The following LMBR1 variants were observed in gnomAD, a reference collection of about 807,000 sequenced individuals.
The protein encoded by LMBR1 is limb region 1 protein homolog.
In LMBR1, 52 loss-of-function variants were observed where a neutral mutation model predicts 73.9. That is an observed-to-expected ratio of 0.70 (90% CI 0.56 to 0.89). The LOEUF is 0.89. LMBR1 is among the 40% of genes least tolerant of loss of function. LMBR1 has a pLI of 0.00. For synonymous variants in LMBR1, 215 were observed against 209.4 expected, an observed-to-expected ratio of 1.03 and a Z score of -0.23; for missense variants, 539 against 579.8, an observed-to-expected ratio of 0.93 and a Z score of 0.72.
intron 1 of LMBR1, 28 bp from the exon 2 acceptor site, chr7:156,836,913 T>C (rs1489043757): frequency 1.4e-6 from 2 of 1,431,226 alleles, no homozygotes; most frequent in South Asian, 1.3e-5. Flanking sequence ...TAACAGATCA[T>C]TTACTTTTTT....
At chr7:156,735,040 T>C (rs952257359) in intron 9 of LMBR1, among the ~76,000 whole-genome samples, 5 of 152,244 alleles carry the variant, frequency 3.3e-5, no homozygotes, top group African/African-American at 1.2e-4. Context: ...TTACACATAT[T>C]CAAGTTTTCA....
chr7:156,823,614 A>G (rs1452340475), intron 4 of LMBR1: 2 of 152,202 alleles, frequency 1.3e-5, no homozygotes, highest in Non-Finnish European at 2.9e-5. Context: ...AAGTCACTGG[A>G]GGGATAAATG....
chr7:156,853,343 T>C (rs1371353583), intron 1 of LMBR1, among the ~76,000 whole-genome samples: 1 of 151,678 alleles, frequency 6.6e-6, no homozygotes, highest in Admixed American at 6.6e-5. Context: ...TAAAAAAAAA[T>C]GGGTCACATA....
intron 1 of LMBR1, among the ~76,000 whole-genome samples, chr7:156,847,576 C>T (rs1795665264): frequency 6.6e-6 from 1 of 152,102 alleles, no homozygotes; most frequent in African/African-American, 2.4e-5. Flanking sequence ...ATATAAAGAG[C>T]TCTGAAAGTT....
At chr7:156,879,961 AAGT>A (rs1172977332) in intron 1 of LMBR1, among the ~76,000 whole-genome samples, 1 of 152,212 alleles carries the variant, frequency 6.6e-6, no homozygotes. Context: ...AAAGAACTAA[AAGT>A]AGAACTATCA....
chr7:156,691,376 C>CA (rs1322505357), intron 15 of LMBR1, among the ~76,000 whole-genome samples: 1 of 152,098 alleles, frequency 6.6e-6, no homozygotes, highest in African/African-American at 2.4e-5. Flanking sequence ...AACTAGAATT[C>CA]AACTGAAAAT....
At chr7:156,801,071 C>T (rs1020124825) in intron 4 of LMBR1, among the ~76,000 whole-genome samples, 1 of 152,170 alleles carries the variant, frequency 6.6e-6, no homozygotes, top group African/African-American at 2.4e-5. Context: ...ATATCATAAA[C>T]TTAGTTGATA....
At chr7:156,696,238 G>C (rs757117741) in intron 15 of LMBR1, among the ~76,000 whole-genome samples, 1 of 152,298 alleles carries the variant, frequency 6.6e-6, no homozygotes, top group South Asian at 2.1e-4. Context: ...AAGGATGTCT[G>C]CTTGTTCAAA....
chr7:156,844,573 A>G (rs1210048747), intron 1 of LMBR1, among the ~76,000 whole-genome samples: 1 of 151,996 alleles, frequency 6.6e-6, no homozygotes, highest in Non-Finnish European at 1.5e-5. Context: ...AAAGAAAAAA[A>G]CAGTCCAGCT....
chr7:156,692,745 T>C (rs1807489028), intron 15 of LMBR1, among the ~76,000 whole-genome samples: 1 of 152,186 alleles, frequency 6.6e-6, no homozygotes, highest in Admixed American at 6.5e-5. Flanking sequence ...CAGTGGCCAG[T>C]GGGCTGCACA....
At chr7:156,718,449 G>A (rs1439271863) in intron 15 of LMBR1, among the ~76,000 whole-genome samples, 3 of 151,320 alleles carry the variant, frequency 2.0e-5, no homozygotes, top group African/African-American at 4.9e-5. Context: ...GCAAGGACAG[G>A]CACGTGGCTC....
chr7:156,760,946 T>C (rs1822863375), intron 8 of LMBR1, among the ~76,000 whole-genome samples: 1 of 152,188 alleles, frequency 6.6e-6, no homozygotes, highest in South Asian at 2.1e-4. Flanking sequence ...GAAAGGACTT[T>C]AATTCTTTGT....
intron 15 of LMBR1, among the ~76,000 whole-genome samples, chr7:156,713,943 C>T (rs555685032): frequency 6.6e-6 from 1 of 152,266 alleles, no homozygotes; most frequent in South Asian, 2.1e-4. Context: ...TTTTGAGTCC[C>T]TACCATATTC....
intron 15 of LMBR1, among the ~76,000 whole-genome samples, chr7:156,694,657 C>G (rs890945227): frequency 2.0e-5 from 3 of 152,108 alleles, no homozygotes; most frequent in African/African-American, 7.2e-5. Flanking sequence ...TTGAAATGAT[C>G]ATACAGGCAG....
chr7:156,848,062 C>T (rs79635933), intron 1 of LMBR1, among the ~76,000 whole-genome samples: 1 of 147,976 alleles, frequency 6.8e-6, no homozygotes, highest in Admixed American at 6.7e-5. Context: ...TCATTCAACA[C>T]TAAAAAAAAA....
At chr7:156,768,439 A>G (rs766117569) in intron 5 of LMBR1, among the ~76,000 whole-genome samples, 1 of 152,212 alleles carries the variant, frequency 6.6e-6, no homozygotes, top group Non-Finnish European at 1.5e-5. Context: ...TGCAAATTTG[A>G]TAAGAAATTC....
At chr7:156,849,614 G>A (rs1028319470) in intron 1 of LMBR1, among the ~76,000 whole-genome samples, 10 of 152,208 alleles carry the variant, frequency 6.6e-5, no homozygotes, top group Admixed American at 2.0e-4. Flanking sequence ...ACTATATTCC[G>A]GAAAAGGCAA....
chr7:156,705,656 T>A (rs750148616), intron 15 of LMBR1, among the ~76,000 whole-genome samples: 1 of 152,222 alleles, frequency 6.6e-6, no homozygotes, highest in Non-Finnish European at 1.5e-5. Flanking sequence ...AGACAAGCAA[T>A]GCTGAAAGAA....
intron 5 of LMBR1, among the ~76,000 whole-genome samples, chr7:156,782,533 T>TTTTG (rs200705164): frequency 0.011 from 1,603 of 152,002 alleles, 24 homozygotes; most frequent in African/African-American, 0.035. Context: ...CTCATTGCAG[T>TTTTG]TTTGTTTGTT....
Sources: gnomAD v4.1 joint callset for allele counts (sites outside exome capture counted in the v4.1 genomes callset) on GRCh38, gnomAD v4.1.1 for gene constraint, MANE v1.5 for transcripts, NCBI Gene and HGNC (gene_info 2026-07-23, HGNC 2026-07-21) for gene names.